The following ARHGEF28 variants were observed in gnomAD, a reference collection of about 807,000 sequenced individuals.
The protein encoded by ARHGEF28 is Rho guanine nucleotide exchange factor 28.
In ARHGEF28, 152 loss-of-function variants were observed where a neutral mutation model predicts 206.6. The observed-to-expected ratio is 0.74, with a 90% CI of 0.64 to 0.84. The LOEUF (loss-of-function observed/expected upper bound fraction) is 0.84. Ranked by LOEUF, ARHGEF28 falls within the 40% of genes least tolerant of loss-of-function variation. The pLI, the probability that ARHGEF28 is intolerant of heterozygous loss-of-function variation, is 0.00. For synonymous variants in ARHGEF28, 763 were observed against 776.4 expected, an observed-to-expected ratio of 0.98 and a Z score of 0.29; for missense variants, 2,028 against 2,073.2, an observed-to-expected ratio of 0.98 and a Z score of 0.42.
intron 16 of ARHGEF28, chr5:73,863,187 A>T (rs1453681463): frequency 1.3e-5 from 2 of 152,034 alleles, no homozygotes; most frequent in African/African-American, 4.8e-5. Flanking sequence ...AATCATATGG[A>T]TATTATGAGA....
At chr5:73,700,879 A>G (rs1210124761) in intron 2 of ARHGEF28, among the ~76,000 whole-genome samples, 3 of 152,198 alleles carry the variant, frequency 2.0e-5, no homozygotes, top group African/African-American at 7.2e-5. Flanking sequence ...GAAACTGAAA[A>G]CACTTCCCGT....
In ARHGEF28 at chr5:73,718,329, C is replaced by T. The variant is rs191848270; in HGVS notation, c.34-31508C>T. 2.3e-3 allele frequency among the ~76,000 whole-genome samples: 343 copies of T among 152,326 alleles called. 4 individuals carry two copies. The highest frequency in any genetic ancestry group is 7.9e-3 in the African/African-American group (328 of 41,570). On this transcript the variant is annotated intron_variant, in intron 2 of 35. Coordinates refer to ENST00000513042, the MANE Select transcript of ARHGEF28 (RefSeq NM_001177693.2). ...TGGGTAGCAGAAGATGACAAAATGA[C>T]TCTGCTCTAGGGATGTTGTCTGATG...
intron 9 of ARHGEF28, among the ~76,000 whole-genome samples, chr5:73,809,806 C>A (rs1420386826): frequency 6.6e-6 from 1 of 152,140 alleles, no homozygotes; most frequent in East Asian, 1.9e-4. Flanking sequence ...GAGGCACATT[C>A]AGGCGAATGT....
In ARHGEF28 at chr5:73,720,530, GC is replaced by G. The variant is rs1749877871; in HGVS notation, c.34-29306del. 2.0e-5 allele frequency among the ~76,000 whole-genome samples: 3 copies of G among 152,148 alleles called. No homozygotes were observed. The South Asian group carries it at 6.2e-4, about 32-fold the overall frequency. On this transcript the variant is annotated intron_variant, in intron 2 of 35. Transcript: ENST00000513042. Reference sequence around the variant, plus strand: ...GAGGTGAGATGTCAGCCAGAGTGTGGCGGGTTAGAAGGGAAATAGGGAAAAT... The same window carrying G: ...GAGGTGAGATGTCAGCCAGAGTGTGGGGGTTAGAAGGGAAATAGGGAAAAT...
At chr5:73,882,086 T>TTG (rs1554074522) in intron 22 of ARHGEF28, among the ~76,000 whole-genome samples, 2 of 151,638 alleles carry the variant, frequency 1.3e-5, no homozygotes, top group Non-Finnish European at 2.9e-5. Context: ...TGATTTTTTT[T>TTG]GGGGGGCCAG....
intron 2 of ARHGEF28, among the ~76,000 whole-genome samples, chr5:73,741,341 A>ATGTG (rs369851573): frequency 0.011 from 693 of 65,980 alleles, 7 homozygotes; most frequent in African/African-American, 0.02. Flanking sequence ...TTAAATTTAT[A>ATGTG]TGTGTGTGTG....
At chr5:73,689,148 A>C (rs1184813654) in intron 2 of ARHGEF28, among the ~76,000 whole-genome samples, 6 of 152,104 alleles carry the variant, frequency 3.9e-5, no homozygotes, top group Non-Finnish European at 7.3e-5. Context: ...GCAAGAATTA[A>C]ATTTTTGTTT....
At chr5:73,661,234 C>A (rs1745580756) in intron 1 of ARHGEF28, among the ~76,000 whole-genome samples, 1 of 152,196 alleles carries the variant, frequency 6.6e-6, no homozygotes, top group African/African-American at 2.4e-5. Context: ...ACCTCATGAA[C>A]CAACCTCTGA....
intron 2 of ARHGEF28, among the ~76,000 whole-genome samples, chr5:73,708,005 T>G (rs1343631259): frequency 2.0e-5 from 3 of 152,148 alleles, no homozygotes; most frequent in African/African-American, 7.2e-5. Context: ...GCTATCATGA[T>G]CTACAATATA....
chr5:73,863,252 C>G (rs1046461869), intron 16 of ARHGEF28: 1 of 152,058 alleles, frequency 6.6e-6, no homozygotes, highest in African/African-American at 2.4e-5. Flanking sequence ...ACAGTGAGAA[C>G]TTTTGATGTG....
chr5:73,746,287 A>G (rs1751712926), intron 2 of ARHGEF28, among the ~76,000 whole-genome samples: 2 of 152,226 alleles, frequency 1.3e-5, no homozygotes, highest in Non-Finnish European at 2.9e-5. Flanking sequence ...CAGTAGATGA[A>G]TATTTAAGTA....
Position 73,696,113 on chromosome 5 carries a change from G to A in ARHGEF28, c.33+11229G>A, listed in dbSNP as rs990059495. On this transcript the variant is annotated intron_variant, in intron 2 of 35. Transcript: ENST00000513042. Reference sequence around the variant, plus strand: ...TACCTAGTGCAGTGCCCAACGCACTGTAGGCTTTCACTAAACGTTTGTGGA... The same window carrying A: ...TACCTAGTGCAGTGCCCAACGCACTATAGGCTTTCACTAAACGTTTGTGGA... Among the ~76,000 whole-genome samples, 4 of 152,208 alleles carry A rather than the reference G, an allele frequency of 2.6e-5. No individual in the cohort carries two copies. In the East Asian group the frequency reaches 7.7e-4, roughly 29 times the overall value.
At chr5:73,649,179 C>T in intron 1 of ARHGEF28, among the ~76,000 whole-genome samples, 1 of 152,222 alleles carries the variant, frequency 6.6e-6, no homozygotes, top group East Asian at 1.9e-4. Flanking sequence ...TTGACCTGCA[C>T]ATCTGAATCT....
chr5:73,692,962 A>G (rs1419789257), intron 2 of ARHGEF28, among the ~76,000 whole-genome samples: 5 of 151,970 alleles, frequency 3.3e-5, no homozygotes, highest in Admixed American at 3.3e-4. Flanking sequence ...ATGCCCATCA[A>G]CTCGAAATAT....
At chr5:73,679,566 C>CA (rs552307895) in intron 1 of ARHGEF28, among the ~76,000 whole-genome samples, 778 of 61,760 alleles carry the variant, frequency 0.013, 4 homozygotes, top group African/African-American at 0.024. Context: ...GACTCTGTCT[C>CA]AAAAAAAAAA....
intron 12 of ARHGEF28, among the ~76,000 whole-genome samples, chr5:73,847,505 G>T (rs982458235): frequency 1.3e-5 from 2 of 152,102 alleles, no homozygotes; most frequent in Non-Finnish European, 2.9e-5. Flanking sequence ...GTAATCTTTT[G>T]CATCTGAAGG....
At chr5:73,810,953 A>C (rs999845140) in intron 9 of ARHGEF28, among the ~76,000 whole-genome samples, 6 of 152,222 alleles carry the variant, frequency 3.9e-5, no homozygotes, top group African/African-American at 1.4e-4. Flanking sequence ...TAAGAAGTAT[A>C]GTATTCCTAT....
chr5:73,874,988 C>T (rs1170709861), intron 22 of ARHGEF28, among the ~76,000 whole-genome samples: 5 of 151,956 alleles, frequency 3.3e-5, no homozygotes, highest in African/African-American at 4.8e-5. Context: ...CCTGAGGAAT[C>T]GCCACACTGA....
chr5:73,663,164 C>G (rs1203081709), intron 1 of ARHGEF28, among the ~76,000 whole-genome samples: 1 of 152,102 alleles, frequency 6.6e-6, no homozygotes, highest in African/African-American at 2.4e-5. Context: ...CCGTGTTGGC[C>G]AGGCTGGTCT....
Sources: gnomAD v4.1 joint callset for allele counts (sites outside exome capture counted in the v4.1 genomes callset) on GRCh38, gnomAD v4.1.1 for gene constraint, MANE v1.5 for transcripts, NCBI Gene and HGNC (gene_info 2026-07-23, HGNC 2026-07-21) for gene names.